The following PNPLA7 variants were observed in gnomAD, a reference collection of about 807,000 sequenced individuals.
PNPLA7 encodes patatin like domain 7, lysophospholipase, also known as patatin-like phospholipase domain-containing protein 7.
Under a neutral mutation model 161.7 loss-of-function variants are expected in PNPLA7, and 153 were observed. The ratio of observed to expected loss-of-function variants is 0.95; its 90% CI spans 0.83 to 1.08. The LOEUF (loss-of-function observed/expected upper bound fraction) is 1.08, where lower values mean the gene tolerates loss of function less well. Among genes scored for constraint, PNPLA7 ranks in the 50% least tolerant of loss-of-function variants. The pLI is 0.00. For synonymous variants in PNPLA7, 809 were observed against 782.1 expected (o/e 1.03, Z -0.57); for missense variants, 1,739 against 1,856.6 (o/e 0.94, Z 1.16).
At chr9:137,542,558 T>G (rs1180167780) in intron 7 of PNPLA7, 84 bp downstream of exon 7, 66 of 1,375,758 alleles carry the variant, frequency 4.8e-5, no homozygotes, top group African/African-American at 7.4e-5. Context: ...AGCTTTTCAA[T>G]GAGAAACGTT....
chr9:137,548,004 G>A (rs144631435), intron 1 of PNPLA7, among the ~76,000 whole-genome samples: 1,642 of 152,228 alleles, frequency 0.011, 32 homozygotes, highest in African/African-American at 0.038. Context: ...TCTCAGTGTC[G>A]CCTCAGCCCC....
chr9:137,505,877 T>A (rs1833890732), intron 13 of PNPLA7, 106 bp downstream of exon 13: 8 of 1,526,878 alleles, frequency 5.2e-6, no homozygotes, highest in Non-Finnish European at 7.2e-6. Flanking sequence ...CTCCTGAAGC[T>A]GCAGGTGCCA....
intron 26 of PNPLA7, among the ~76,000 whole-genome samples, chr9:137,466,795 A>C (rs1437421552): frequency 2.8e-3 from 127 of 45,876 alleles, no homozygotes; most frequent in South Asian, 4.2e-3. Context: ...GTCTCCACCA[A>C]CTCAGACCCG....
intron 20 of PNPLA7, among the ~76,000 whole-genome samples, chr9:137,488,977 CT>C (rs777938680): frequency 6.8e-6 from 1 of 146,272 alleles, no homozygotes; most frequent in Non-Finnish European, 1.5e-5. Context: ...TGTGTACCCC[CT>C]AACCAGCAGA....
chr9:137,546,800 G>T, intron 4 of PNPLA7, 30 bp downstream of exon 4: 1 of 1,608,230 alleles, frequency 6.2e-7, no homozygotes, highest in Non-Finnish European at 8.5e-7. Context: ...AGGAAGCCGT[G>T]TGCAGCCTGG....
chr9:137,463,759 C>T (rs180742160), intron 28 of PNPLA7, among the ~76,000 whole-genome samples: 3 of 152,212 alleles, frequency 2.0e-5, no homozygotes, highest in Admixed American at 2.0e-4. Context: ...CCCCTCACCC[C>T]AGGACTGAGG....
intron 20 of PNPLA7, among the ~76,000 whole-genome samples, chr9:137,488,055 T>C (rs897612555): frequency 3.3e-5 from 5 of 152,210 alleles, no homozygotes; most frequent in Admixed American, 6.5e-5. Flanking sequence ...AAACAAACAA[T>C]GCACACACAC....
At chr9:137,464,834 G>A (rs1012347740) in intron 26 of PNPLA7, 3 of 256,198 alleles carry the variant, frequency 1.2e-5, no homozygotes, top group Admixed American at 1.0e-4. Context: ...AGCTCGGGGC[G>A]GGCTGCTGGG....
In PNPLA7 at chr9:137,528,849, C is replaced by T. The variant is rs9886785; in HGVS notation, c.748-5992G>A. Among the ~76,000 whole-genome samples, 1,324 of 151,876 alleles carry T rather than the reference C, an allele frequency of 8.7e-3. 19 individuals are homozygous for T. Among genetic ancestry groups the T allele is most frequent in the African/African-American group, 0.03 (1,260 of 41,396 alleles). ...CACAGTAGCTGGGACTACAGGAGCCCGCCACCACGCCTGGCTAATTTTTTG... is the reference window on the plus strand; with the variant it reads ...CACAGTAGCTGGGACTACAGGAGCCTGCCACCACGCCTGGCTAATTTTTTG... On this transcript the variant is annotated intron_variant, in intron 8 of 34. Coordinates refer to ENST00000406427, the MANE Select transcript of PNPLA7 (RefSeq NM_001098537.3).
At position 137,529,664 on chromosome 9, in the gene PNPLA7, T is replaced by G. The variant is rs915741499; in HGVS notation, c.748-6807A>C. 8.0e-5 allele frequency among the ~76,000 whole-genome samples: 12 copies of G among 150,658 alleles called. 1 individual carries two copies. Among genetic ancestry groups the G allele is most frequent in the South Asian group, 2.1e-4 (1 of 4,752 alleles). On this transcript the variant is annotated intron_variant, in intron 8 of 34. Coordinates refer to ENST00000406427, the MANE Select transcript of PNPLA7 (RefSeq NM_001098537.3). ...GTGAAGTTTGAATCTTTGTTTTTTT[T>G]TTTTTTTTTTTGAGACGGAGTTTCA... is the stretch of plus-strand genomic sequence containing the variant.
At position 137,499,348 on chromosome 9, in the gene PNPLA7, C is replaced by T. The variant is rs906543957; in HGVS notation, c.1758-1103G>A. The stretch of plus-strand genomic sequence containing the variant: ...GAGACACACGCAGACACACGACACA[C>T]GCAGACACACAGATAGACACACAGC... On this transcript the variant is annotated intron_variant, in intron 16 of 34. Transcript: ENST00000406427. The surrounding 1 kb of genome is among the most constrained non-coding windows in gnomAD (Gnocchi z 5.5). Among the ~76,000 whole-genome samples the T allele has an allele frequency of 2.0e-5, 3 of 152,070 alleles. No homozygotes were observed. Among genetic ancestry groups the T allele is most frequent in the East Asian group, 3.9e-4 (2 of 5,178 alleles).
chr9:137,489,321 A>G (rs550813382), intron 20 of PNPLA7, among the ~76,000 whole-genome samples: 6 of 152,260 alleles, frequency 3.9e-5, no homozygotes, highest in Admixed American at 2.0e-4. Context: ...ACACTCCACA[A>G]ACGTTGGCCA....
intron 13 of PNPLA7, 71 bp from the exon 14 acceptor site, chr9:137,505,831 G>T: frequency 6.3e-7 from 1 of 1,584,868 alleles, no homozygotes; most frequent in South Asian, 1.1e-5. Flanking sequence ...GGTGTGGTCA[G>T]GTCTGAATCG....
At chr9:137,464,047 C>T in intron 28 of PNPLA7, 79 bp downstream of exon 28, 1 of 1,504,464 alleles carries the variant, frequency 6.6e-7, no homozygotes, top group East Asian at 2.4e-5. Flanking sequence ...GCGGCCTTCC[C>T]AACCCCTGGG....
At chr9:137,544,037 A>G (rs1311089939) in intron 4 of PNPLA7, among the ~76,000 whole-genome samples, 2 of 152,120 alleles carry the variant, frequency 1.3e-5, no homozygotes, top group Non-Finnish European at 2.9e-5. Flanking sequence ...CACTGTCCCC[A>G]AACAGCCAAC....
At chr9:137,509,484 G>A (rs376387934) in intron 12 of PNPLA7, 18 of 254,834 alleles carry the variant, frequency 7.1e-5, no homozygotes, top group East Asian at 6.9e-4. Flanking sequence ...TAGCTGGTAC[G>A]AGTGAGTTTA....
At position 137,478,101 on chromosome 9, in the gene PNPLA7, A is replaced by T; in HGVS notation, c.2815T>A (p.Phe939Ile). ...GTCAGCACCCTCGCCAGGCGGGAGA[A>T]GTCTGAGTGTCGGTCCGGGGGCCGC... ...FQRPPDRHSD[F>I]SRLARVLTGN... Residue 939 changes from phenylalanine to isoleucine, a missense_variant, in exon 25 of 35, where the codon TTC becomes ATC. Phe to Ile is a conservative substitution (Grantham distance 21, BLOSUM62 0). This residue lies in a region of PNPLA7 where 703 missense variants were observed against 694.6 expected (regional missense o/e 1.01). Transcript: ENST00000406427. The T allele has an allele frequency of 7.3e-7, 1 of 1,369,464 alleles. No homozygotes were observed. Among genetic ancestry groups the T allele is most frequent in the Non-Finnish European group, 9.5e-7 (1 of 1,055,824 alleles). The allele number at this position is 1,369,464 out of a possible 1,614,324, so 84.8% of individuals were successfully genotyped here. A position where few individuals can be genotyped will look rare whatever the true frequency, so the allele number is the denominator to read the frequency against.
intron 25 of PNPLA7, among the ~76,000 whole-genome samples, chr9:137,471,957 G>A (rs1056882463): frequency 2.0e-5 from 3 of 152,104 alleles, no homozygotes; most frequent in African/African-American, 7.2e-5. Context: ...ATGACTCCTC[G>A]ATGCCAAGAC....
rs1445956236 is a variant in PNPLA7 at position 137,522,279 on chromosome 9, TGAGCCAGGA to T, written c.876+441_876+449del. Among the ~76,000 whole-genome samples the T allele has an allele frequency of 7.2e-3, 1,086 of 151,636 alleles. 17 individuals carry two copies. The highest frequency in any genetic ancestry group is 0.025 in the African/African-American group (1,010 of 41,008). On this transcript the variant is annotated intron_variant, in intron 9 of 34. Transcript: ENST00000406427. ...TTAGCAGAGACGGGGTTTCACCGTG[TGAGCCAGGA>T]TGGTCTCGATCTCCTGACCTCGTGA...
Sources: gnomAD v4.1 joint callset for allele counts (sites outside exome capture counted in the v4.1 genomes callset) on GRCh38, gnomAD v4.1.1 for gene constraint, gnomAD v4.1.1 regional missense constraint, Gnocchi (gnomAD v3.1) non-coding constraint, MANE v1.5 for transcripts, NCBI Gene and HGNC (gene_info 2026-07-23, HGNC 2026-07-21) for gene names.